The following FLNB variants were observed in gnomAD, a reference collection of about 807,000 sequenced individuals.
FLNB encodes filamin-B.
A neutral mutation model predicts 250.6 loss-of-function variants in FLNB; 111 were observed. That is an observed-to-expected ratio of 0.44 (90% CI 0.38 to 0.52). The LOEUF (loss-of-function observed/expected upper bound fraction) is 0.52, where lower values mean the gene tolerates loss of function less well. FLNB is among the 20% of genes least tolerant of loss of function. The probability of loss-of-function intolerance (pLI) is 0.00; values close to 1 mark genes in which losing one functional copy is unlikely to be tolerated. For synonymous variants in FLNB, 1,302 were observed against 1,372.1 expected (o/e 0.95, Z 1.13); for missense variants, 2,869 against 3,447.8 (o/e 0.83, Z 4.20).
At chr3:58,076,621 ATT>A (rs1224866008) in intron 1 of FLNB, among the ~76,000 whole-genome samples, 16 of 140,918 alleles carry the variant, frequency 1.1e-4, no homozygotes, top group Non-Finnish European at 1.2e-4. Context: ...TGCTCGGCTA[ATT>A]TTTTTTTTTT....
Position 58,138,295 on chromosome 3 carries a change from C to T in FLNB, c.4875C>T (p.Ala1625=). 3.1e-6 allele frequency: 5 copies of T among 1,614,078 alleles called. No individual in the cohort carries two copies. The highest frequency in any genetic ancestry group is 1.1e-5 in the South Asian group (1 of 91,070). The change falls in exon 29 of 46, where the codon GCC becomes GCT. Residue 1625 remains alanine (A), a synonymous_variant. Transcript: ENST00000295956. The part of the protein sequence containing the change: ...SKCLATGPGI[A]STVKTGEEVG... The stretch of plus-strand genomic sequence containing the variant: ...ACTCTTCTCCAGGTCCTGGAATCGC[C>T]TCCACTGTGAAAACTGGCGAAGAAG...
chr3:58,072,103 C>T (rs34859978), intron 1 of FLNB, among the ~76,000 whole-genome samples: 36,734 of 152,068 alleles, frequency 0.24, 5,692 homozygotes, highest in Middle Eastern at 0.4. Context: ...GAAAAGAAAA[C>T]AAAACTAAAC....
rs1192384434 is a variant in FLNB at position 58,143,478 on chromosome 3, G to A, written c.5290G>A (p.Val1764Ile). ...CGTCTCTCTGTGCTCCATAGGAGAG[G>A]TCCACATGCCTTCTGGGAAGACAGC... Reference protein sequence around the residue: ...AVRKGEITGEVHMPSGKTATP... With the variant: ...AVRKGEITGEIHMPSGKTATP... Residue 1764 changes from valine to isoleucine, a missense_variant, in exon 32 of 46, where the codon GTC becomes ATC. Around this residue, in one of 5 missense-constraint regions of FLNB, gnomAD observed 1,084 missense variants for 1,315.5 expected, o/e 0.82. Transcript: ENST00000295956. The A allele has an allele frequency of 1.2e-6, 2 of 1,614,196 alleles. No homozygotes were observed. The highest frequency in any genetic ancestry group is 1.7e-4 in the Middle Eastern group (1 of 6,052).
intron 18 of FLNB, among the ~76,000 whole-genome samples, chr3:58,114,651 A>G (rs528283882): frequency 1.3e-5 from 2 of 151,746 alleles, no homozygotes; most frequent in East Asian, 3.9e-4. Flanking sequence ...AGTCCTGCCA[A>G]CAGCATGCAA....
intron 24 of FLNB, among the ~76,000 whole-genome samples, chr3:58,128,588 C>T (rs954736501): frequency 1.3e-5 from 2 of 152,056 alleles, no homozygotes; most frequent in African/African-American, 2.4e-5. Flanking sequence ...TTTTGTAACA[C>T]TTGCGTTAGG....
At chr3:58,030,520 G>A (rs1278524100) in intron 1 of FLNB, among the ~76,000 whole-genome samples, 1 of 152,186 alleles carries the variant, frequency 6.6e-6, no homozygotes, top group Non-Finnish European at 1.5e-5. Flanking sequence ...GATGGATGGA[G>A]TCGCTTCTTT....
intron 1 of FLNB, among the ~76,000 whole-genome samples, chr3:58,075,093 T>C (rs2097199846): frequency 6.6e-6 from 1 of 152,180 alleles, no homozygotes; most frequent in Non-Finnish European, 1.5e-5. Flanking sequence ...CCTTTCATTT[T>C]TGAGTGGCAT....
intron 43 of FLNB, chr3:58,163,560 G>A (rs2097365140): frequency 1.8e-6 from 1 of 562,020 alleles, no homozygotes; most frequent in Non-Finnish European, 3.2e-6. Flanking sequence ...CCTCATTACT[G>A]TTAGTTGTGA....
chr3:58,019,795 C>T (rs1474962066), intron 1 of FLNB, among the ~76,000 whole-genome samples: 1 of 152,204 alleles, frequency 6.6e-6, no homozygotes, highest in Non-Finnish European at 1.5e-5. Flanking sequence ...CATATCTTTT[C>T]CCACACCGTG....
chr3:58,160,716 AG>A (rs770324478), intron 42 of FLNB, among the ~76,000 whole-genome samples: 2 of 152,158 alleles, frequency 1.3e-5, no homozygotes, highest in African/African-American at 2.4e-5. Context: ...GGCTCTGACC[AG>A]GCATGGTGGC....
intron 38 of FLNB, chr3:58,150,555 C>G: frequency 2.7e-6 from 1 of 373,262 alleles, no homozygotes; most frequent in Non-Finnish European, 5.1e-6. Context: ...AAGAACTGGC[C>G]CTGCCGATGC....
Position 58,098,707 on chromosome 3 carries a change from G to A in FLNB, c.1148-4G>A. The stretch of plus-strand genomic sequence containing the variant: ...GGGCTCATGGAATGCTTGCTTTCTT[G>A]TAGGAGCTGGTGTGGGTGACATTGG... On this transcript the variant is annotated splice_region_variant and splice_polypyrimidine_tract_variant and intron_variant, in intron 7 of 45. Transcript: ENST00000295956. 3.1e-6 allele frequency: 5 copies of A among 1,614,100 alleles called. No individual in the cohort carries two copies. The highest frequency in any genetic ancestry group is 1.3e-5 in the African/African-American group (1 of 75,038).
chr3:58,081,910 T>A, intron 4 of FLNB, 134 bp downstream of exon 4: 1 of 919,476 alleles, frequency 1.1e-6, no homozygotes, highest in Non-Finnish European at 1.8e-6. Flanking sequence ...CAAGCCTCCT[T>A]TGTAACACAT....
chr3:58,105,235 C>T lies in FLNB; in HGVS notation c.1747+19C>T. 1.2e-6 allele frequency: 2 copies of T among 1,614,026 alleles called. No individual in the cohort carries two copies. Among genetic ancestry groups the T allele is most frequent in the Middle Eastern group, 1.7e-4 (1 of 6,058 alleles). ...TCTCTGGGTAAGTGGACACAGCTGA[C>T]CAGCATCTTCTGGAGGACTGAGGAT... On this transcript the variant is annotated intron_variant, in intron 11 of 45. Transcript: ENST00000295956.
At chr3:58,123,749 A>T in intron 21 of FLNB, 59 bp downstream of exon 21, 2 of 1,452,176 alleles carry the variant, frequency 1.4e-6, no homozygotes, top group Non-Finnish European at 9.4e-7. Context: ...CTTAAGGGCT[A>T]CCTGAAACTT....
At chr3:58,067,107 G>A (rs2097186687) in intron 1 of FLNB, among the ~76,000 whole-genome samples, 1 of 152,150 alleles carries the variant, frequency 6.6e-6, no homozygotes, top group Non-Finnish European at 1.5e-5. Flanking sequence ...CCCATGCCAT[G>A]CCCAGGGCAG....
chr3:58,085,592 G>A (rs2097216095), intron 4 of FLNB, among the ~76,000 whole-genome samples: 1 of 152,210 alleles, frequency 6.6e-6, no homozygotes, highest in Admixed American at 6.5e-5. Context: ...GTTGAAAGGA[G>A]AGAGGGCTGG....
chr3:58,062,852 G>A (rs1335523689), intron 1 of FLNB, among the ~76,000 whole-genome samples: 1 of 152,186 alleles, frequency 6.6e-6, no homozygotes, highest in Non-Finnish European at 1.5e-5. Flanking sequence ...AGAATTGAAT[G>A]GCTTGAATCC....
intron 24 of FLNB, among the ~76,000 whole-genome samples, chr3:58,130,026 G>C (rs1559715944): frequency 6.6e-6 from 1 of 152,340 alleles, no homozygotes; most frequent in Middle Eastern, 3.4e-3. Context: ...CGGGGGGTCA[G>C]CCATGTAGCA....
Sources: gnomAD v4.1 joint callset for allele counts (sites outside exome capture counted in the v4.1 genomes callset) on GRCh38, gnomAD v4.1.1 for gene constraint, gnomAD v4.1.1 regional missense constraint, MANE v1.5 for transcripts, NCBI Gene and HGNC (gene_info 2026-07-23, HGNC 2026-07-21) for gene names.